The following CRB1 variants were observed in gnomAD, a reference collection of about 807,000 sequenced individuals.
CRB1 encodes crumbs cell polarity complex component 1.
In CRB1, 83 loss-of-function variants were observed where a neutral mutation model predicts 120.0. The ratio of observed to expected loss-of-function variants is 0.69; its 90% confidence interval spans 0.58 to 0.83. The LOEUF (loss-of-function observed/expected upper bound fraction) is 0.83. Among genes scored for constraint, CRB1 ranks in the 40% least tolerant of loss-of-function variants. The pLI, the probability that CRB1 is intolerant of heterozygous loss-of-function variation, is 0.00. For synonymous variants in CRB1, 625 were observed against 612.5 expected (o/e 1.02, Z -0.30); for missense variants, 1,699 against 1,687.6 (o/e 1.01, Z -0.12).
chr1:197,469,093 G>A (rs1299141208), intron 11 of CRB1, among the ~76,000 whole-genome samples: 10 of 152,096 alleles, frequency 6.6e-5, no homozygotes, highest in African/African-American at 1.9e-4. Flanking sequence ...AGTGGCGCAC[G>A]CCTGTAATCC....
At chr1:197,217,327 T>C in the CRB1 span, among the ~76,000 whole-genome samples, 1 of 152,118 alleles carries the variant, frequency 6.6e-6, no homozygotes. Context: ...CCAGTGTATA[T>C]GCCTAAGAGA....
At chr1:197,231,774 T>G in the CRB1 span, among the ~76,000 whole-genome samples, 1 of 152,150 alleles carries the variant, frequency 6.6e-6, no homozygotes, top group Non-Finnish European at 1.5e-5. Flanking sequence ...CAGGAACATT[T>G]TGGTGAGAGG....
the CRB1 span, among the ~76,000 whole-genome samples, chr1:197,229,994 A>G: frequency 1.3e-5 from 2 of 152,348 alleles, no homozygotes; most frequent in Admixed American, 6.5e-5. Flanking sequence ...TAATAATGCT[A>G]TCTTCTATAG....
intron 5 of CRB1, chr1:197,363,778 C>A (rs1427443398): frequency 3.0e-6 from 2 of 667,860 alleles, no homozygotes; most frequent in African/African-American, 1.8e-5. Context: ...GGCAACGGGT[C>A]TTTGTGGCTC....
At chr1:197,457,731 G>T (rs941705620) in intron 11 of CRB1, among the ~76,000 whole-genome samples, 3 of 152,250 alleles carry the variant, frequency 2.0e-5, no homozygotes, top group South Asian at 2.1e-4. Flanking sequence ...AGCTCTTAAA[G>T]AATAAGCAAG....
At chr1:197,353,493 A>T (rs1558074587) in intron 4 of CRB1, among the ~76,000 whole-genome samples, 1 of 152,216 alleles carries the variant, frequency 6.6e-6, no homozygotes, top group Non-Finnish European at 1.5e-5. Flanking sequence ...GCCTTAGGCG[A>T]CTGTGAAGTT....
rs557638248 is a variant in CRB1, at chr1:197,276,183, A to ATGCTGTATCCCATAC, written c.70+7728_70+7742dup. 3.2e-3 allele frequency among the ~76,000 whole-genome samples: 482 copies of ATGCTGTATCCCATAC among 151,956 alleles called. 1 individual carries two copies. The highest frequency in any genetic ancestry group is 0.011 in the African/African-American group (457 of 41,484). On this transcript the variant is annotated intron_variant, in intron 1 of 11. Coordinates refer to ENST00000367400, the MANE Select transcript of CRB1 (RefSeq NM_201253.3). ...AATAATAACACTATGGGATTCAGTC[A>ATGCTGTATCCCATAC]TGCTGTATCCCATACTGCTGTATCC... is the stretch of plus-strand genomic sequence containing the variant.
chr1:197,257,464 A>G, the CRB1 span, among the ~76,000 whole-genome samples: 3 of 152,068 alleles, frequency 2.0e-5, no homozygotes, highest in African/African-American at 4.8e-5. Context: ...CTCTCACTCA[A>G]TTGGTCCTCA....
chr1:197,307,370 T>A (rs892682681), intron 1 of CRB1, among the ~76,000 whole-genome samples: 7 of 152,306 alleles, frequency 4.6e-5, no homozygotes, highest in African/African-American at 1.7e-4. Flanking sequence ...ACATATGAAA[T>A]TCTGTTAAGT....
chr1:197,207,012 G>A, the CRB1 span, among the ~76,000 whole-genome samples: 1 of 152,056 alleles, frequency 6.6e-6, no homozygotes, highest in African/African-American at 2.4e-5. Flanking sequence ...TTTTTTAACT[G>A]CTGTTGCTTT....
intron 1 of CRB1, among the ~76,000 whole-genome samples, chr1:197,317,723 G>A (rs1571828540): frequency 6.6e-6 from 1 of 152,120 alleles, no homozygotes; most frequent in East Asian, 1.9e-4. Context: ...TTTGACAATG[G>A]TGCCAAGTAT....
At chr1:197,475,443 C>T (rs538955876) in intron 11 of CRB1, among the ~76,000 whole-genome samples, 12 of 152,206 alleles carry the variant, frequency 7.9e-5, no homozygotes, top group African/African-American at 2.6e-4. Flanking sequence ...CTCAGAAATC[C>T]CTGTCAAACA....
chr1:197,252,576 A>ATGTGTGTGTG, the CRB1 span, among the ~76,000 whole-genome samples: 1 of 35,064 alleles, frequency 2.9e-5, no homozygotes, highest in African/African-American at 7.9e-5. Context: ...ATATATATAT[A>ATGTGTGTGTG]TATATATGTG....
At chr1:197,469,143 C>T (rs577760096) in intron 11 of CRB1, among the ~76,000 whole-genome samples, 1 of 152,070 alleles carries the variant, frequency 6.6e-6, no homozygotes, top group South Asian at 2.1e-4. Context: ...TAGCTTGAGC[C>T]CGGGAGGTCA....
chr1:197,236,303 G>T, the CRB1 span, among the ~76,000 whole-genome samples: 1 of 148,214 alleles, frequency 6.7e-6, no homozygotes, highest in South Asian at 2.1e-4. Context: ...AGGTTCAAGC[G>T]ATTCTCCCGC....
intron 1 of CRB1, among the ~76,000 whole-genome samples, chr1:197,287,069 T>G (rs1166957345): frequency 2.6e-5 from 4 of 151,860 alleles, no homozygotes; most frequent in African/African-American, 7.2e-5. Context: ...AAATTCATAT[T>G]TGTATCATAT....
At position 197,328,481 on chromosome 1, in the gene CRB1, A is replaced by C; in HGVS notation, c.130A>C (p.Thr44Pro). The C allele has an allele frequency of 6.2e-7, 1 of 1,614,212 alleles. No individual in the cohort carries two copies. The highest frequency in any genetic ancestry group is 2.2e-5 in the East Asian group (1 of 44,884). ...CLSNSCQNNSTCKDFSKDNDC... is the reference protein window; with the variant it reads ...CLSNSCQNNSPCKDFSKDNDC... ...CTCAAATTCTTGCCAAAACAATTCT[A>C]CATGCAAAGATTTTTCAAAAGACAA... Residue 44 changes from threonine (T) to proline (P), a missense_variant, in exon 2 of 12, where the codon ACA becomes CCA. Coordinates refer to ENST00000367400, the MANE Select transcript of CRB1 (RefSeq NM_201253.3).
Position 197,435,249 on chromosome 1 carries a change from C to T in CRB1, c.3386C>T (p.Ser1129Phe), listed in dbSNP as rs763011436. Reference sequence around the variant, plus strand: ...CAGGAAGAGCAATTTCTCAAAATCTCTACCAATTCAGTGGTCACTGGCTGT... The same window carrying T: ...CAGGAAGAGCAATTTCTCAAAATCTTTACCAATTCAGTGGTCACTGGCTGT... ...KPQEEQFLKISTNSVVTGCLQ... is the reference protein window; with the variant it reads ...KPQEEQFLKIFTNSVVTGCLQ... The change falls in exon 9 of 12, where the codon TCT (serine) becomes TTT (phenylalanine). Residue 1129 changes from serine (S) to phenylalanine (F), a missense_variant. Physicochemically the swap from Ser to Phe is radical, Grantham distance 155. Transcript: ENST00000367400. 1.2e-6 allele frequency: 2 copies of T among 1,613,884 alleles called. No individual in the cohort carries two copies. The highest frequency in any genetic ancestry group is 3.3e-5 in the Admixed American group (2 of 59,964).
At chr1:197,398,562 T>C (rs1485872506) in intron 5 of CRB1, among the ~76,000 whole-genome samples, 1 of 152,148 alleles carries the variant, frequency 6.6e-6, no homozygotes, top group Non-Finnish European at 1.5e-5. Flanking sequence ...TGGCAATACA[T>C]TGAACACAGC....
Sources: gnomAD v4.1 joint callset for allele counts (sites outside exome capture counted in the v4.1 genomes callset) on GRCh38, gnomAD v4.1.1 for gene constraint, MANE v1.5 for transcripts, NCBI Gene and HGNC (gene_info 2026-07-23, HGNC 2026-07-21) for gene names.